The following GRM7 variants were observed in gnomAD, a reference collection of about 807,000 sequenced individuals.
GRM7 encodes the protein metabotropic glutamate receptor 7.
In GRM7, 35 loss-of-function variants were observed where a neutral mutation model predicts 84.5. The ratio of observed to expected loss-of-function variants is 0.41; its 90% CI spans 0.32 to 0.55. The LOEUF (loss-of-function observed/expected upper bound fraction) is 0.55. Among genes scored for constraint, GRM7 ranks in the 20% least tolerant of loss-of-function variants. GRM7 has a pLI of 0.19. For synonymous variants in GRM7, 487 were observed against 455.1 expected (o/e 1.07, Z -0.89); for missense variants, 1,003 against 1,194.6 (o/e 0.84, Z 2.36).
Position 7,146,709 on chromosome 3 carries a change from C to G in GRM7, c.736+41C>G, listed in dbSNP as rs140139253. The G allele has an allele frequency of 2.9e-6, 4 of 1,397,258 alleles. No homozygotes were observed. In the Admixed American group the frequency reaches 5.1e-5, roughly 18 times the overall value. The allele number at this position is 1,397,258 out of a possible 1,614,324, so 86.6% of individuals were successfully genotyped here. ...TCTGATCAAGCTGGCTCTCTTCAAA[C>G]GTCTGTGGCTTGTAGAGTTCTCTTC... On this transcript the variant is annotated intron_variant, in intron 2 of 9. Transcript: ENST00000357716.
At chr3:7,426,514 A>C (rs1215062480) in intron 5 of GRM7, among the ~76,000 whole-genome samples, 1 of 151,756 alleles carries the variant, frequency 6.6e-6, no homozygotes, top group Non-Finnish European at 1.5e-5. Flanking sequence ...ACTTTTGACA[A>C]TCACTCACTC....
chr3:7,592,070 G>T (rs146414515), intron 8 of GRM7, among the ~76,000 whole-genome samples: 16 of 152,218 alleles, frequency 1.1e-4, no homozygotes, highest in African/African-American at 3.9e-4. Context: ...AATTCATTCT[G>T]TATGTATCTA....
intron 1 of GRM7, among the ~76,000 whole-genome samples, chr3:7,061,717 A>C (rs1697439630): frequency 6.6e-6 from 1 of 151,740 alleles, no homozygotes; most frequent in South Asian, 2.1e-4. Flanking sequence ...GTAAGAACAG[A>C]AGCTTACATG....
At chr3:7,425,921 C>T (rs1386374295) in intron 5 of GRM7, among the ~76,000 whole-genome samples, 5 of 152,072 alleles carry the variant, frequency 3.3e-5, no homozygotes, top group South Asian at 2.1e-4. Context: ...CTATAAATCA[C>T]GCTTCCAGCA....
At chr3:7,060,965 C>T (rs6778461) in intron 1 of GRM7, among the ~76,000 whole-genome samples, 36,263 of 151,630 alleles carry the variant, frequency 0.24, 4,864 homozygotes, top group African/African-American at 0.36. Flanking sequence ...AACACACTGC[C>T]GTTGAATCCA....
intron 8 of GRM7, among the ~76,000 whole-genome samples, chr3:7,645,496 G>A (rs537154655): frequency 1.6e-4 from 23 of 146,730 alleles, no homozygotes; most frequent in African/African-American, 2.3e-4. Flanking sequence ...GCAGTGAGCC[G>A]AGGTTGCCCC....
chr3:7,103,511 T>G (rs1036582505), intron 1 of GRM7, among the ~76,000 whole-genome samples: 1 of 151,810 alleles, frequency 6.6e-6, no homozygotes, highest in Admixed American at 6.6e-5. Context: ...CAAAATAAAA[T>G]TGTTTTGGGC....
At chr3:7,576,900 T>A (rs765210716) in intron 7 of GRM7, among the ~76,000 whole-genome samples, 1 of 152,210 alleles carries the variant, frequency 6.6e-6, no homozygotes, top group African/African-American at 2.4e-5. Context: ...CTGGCTTACA[T>A]AATGTCATAG....
intron 7 of GRM7, among the ~76,000 whole-genome samples, chr3:7,538,111 T>A (rs1053208715): frequency 1.2e-4 from 18 of 152,272 alleles, no homozygotes; most frequent in African/African-American, 4.1e-4. Flanking sequence ...TTATTTTATT[T>A]TTATTATTAT....
intron 4 of GRM7, among the ~76,000 whole-genome samples, chr3:7,327,392 A>G (rs1479896556): frequency 2.6e-5 from 4 of 152,212 alleles, no homozygotes; most frequent in Non-Finnish European, 5.9e-5. Flanking sequence ...GAGGAAAGAA[A>G]GCATAAGAAA....
chr3:7,717,253 G>A (rs1165094504), intron 9 of GRM7, among the ~76,000 whole-genome samples: 4 of 151,832 alleles, frequency 2.6e-5, no homozygotes, highest in Non-Finnish European at 4.4e-5. Flanking sequence ...AGACAGAAAA[G>A]ACTTCCAAAA....
At chr3:7,625,593 C>T (rs1379439393) in intron 8 of GRM7, among the ~76,000 whole-genome samples, 1 of 152,038 alleles carries the variant, frequency 6.6e-6, no homozygotes, top group African/African-American at 2.4e-5. Flanking sequence ...CCTTTGAGCC[C>T]AGGAATTGGA....
At position 7,640,548 on chromosome 3, in the gene GRM7, G is replaced by A. The variant is rs762160486; in HGVS notation, c.2452-39501G>A. Among the ~76,000 whole-genome samples the A allele has an allele frequency of 2.0e-5, 3 of 152,102 alleles. No homozygotes were observed. In the South Asian group the frequency reaches 6.2e-4, roughly 32 times the overall value. On this transcript the variant is annotated intron_variant, in intron 8 of 9. Transcript: ENST00000357716. ...ATAATAATGGAATGTGATCCATGTT[G>A]AAAATTTAAAATCTGAATGATGCCA...
rs78336437 is a variant in GRM7 at position 7,113,605 on chromosome 3, G to T, written c.520-32847G>T. On this transcript the variant is annotated intron_variant, in intron 1 of 9. Coordinates refer to ENST00000357716, the MANE Select transcript of GRM7 (RefSeq NM_000844.4). The stretch of plus-strand genomic sequence containing the variant: ...AAGTTTATTTTAGGGTTCACTCTTG[G>T]TGTTGCCCATTCTATGGCTTTGGAC... Among the ~76,000 whole-genome samples the T allele has an allele frequency of 4.7e-3, 721 of 152,186 alleles. 3 individuals carry two copies. The highest frequency in any genetic ancestry group is 5.9e-3 in the Non-Finnish European group (399 of 68,008).
intron 2 of GRM7, among the ~76,000 whole-genome samples, chr3:7,260,609 T>C (rs1198600979): frequency 6.6e-6 from 1 of 152,106 alleles, no homozygotes; most frequent in African/African-American, 2.4e-5. Context: ...TTTATTAGTC[T>C]AGCTAGTGGT....
chr3:7,372,650 T>G (rs1367868201), intron 4 of GRM7, among the ~76,000 whole-genome samples: 2 of 152,166 alleles, frequency 1.3e-5, no homozygotes, highest in African/African-American at 4.8e-5. Flanking sequence ...AGCAGGTGTT[T>G]TAGAATTTTG....
intron 2 of GRM7, among the ~76,000 whole-genome samples, chr3:7,275,406 A>G (rs7617374): frequency 0.015 from 2,270 of 152,200 alleles, 60 homozygotes; most frequent in African/African-American, 0.052. Flanking sequence ...ATAGGCCTTT[A>G]CTAATATGTT....
rs116237502 is a variant in GRM7, at chr3:7,709,819, C to T, written c.2698+29524C>T. Among the ~76,000 whole-genome samples, 921 of 152,252 alleles carry T rather than the reference C, an allele frequency of 6.0e-3. 11 individuals are homozygous for T. Among genetic ancestry groups the T allele is most frequent in the Middle Eastern group, 0.02 (6 of 294 alleles). The stretch of plus-strand genomic sequence containing the variant: ...CGATTATTTCTAGACTCCTTATCTC[C>T]ATTACAGGAAGCTGCCTTCCACAGA... On this transcript the variant is annotated intron_variant, in intron 9 of 9. Coordinates refer to ENST00000357716, the MANE Select transcript of GRM7 (RefSeq NM_000844.4).
intron 2 of GRM7, among the ~76,000 whole-genome samples, chr3:7,265,814 AC>A (rs1351561188): frequency 2.6e-5 from 4 of 152,158 alleles, no homozygotes; most frequent in Non-Finnish European, 4.4e-5. Flanking sequence ...AGTAGCCTCA[AC>A]CCTCTTCTTT....
Sources: allele counts gnomAD v4.1 joint callset (sites outside exome capture counted in the v4.1 genomes callset), GRCh38; gene constraint gnomAD v4.1.1; transcripts MANE v1.5; gene names NCBI Gene and HGNC (gene_info 2026-07-23, HGNC 2026-07-21).